The following COBLL1 variants were observed in gnomAD, a reference collection of about 807,000 sequenced individuals.
The protein encoded by COBLL1 is cordon-bleu protein-like 1.
COBLL1 carries 50 observed loss-of-function variants against 94.8 expected under a neutral mutation model. That is an observed-to-expected ratio of 0.53 (90% CI 0.42 to 0.67). The LOEUF is 0.67. COBLL1 is among the 30% of genes least tolerant of loss of function. The pLI is 0.00. For missense variants in COBLL1, 1,362 were observed against 1,348.7 expected, an observed-to-expected ratio of 1.01 and a Z score of -0.15; for synonymous variants, 448 against 473.8, an observed-to-expected ratio of 0.95 and a Z score of 0.71.
downstream of COBLL1, among the ~76,000 whole-genome samples, chr2:164,676,688 T>TCC (rs199604109): frequency 9.4e-5 from 14 of 149,386 alleles, no homozygotes; most frequent in East Asian, 3.9e-4. Flanking sequence ...TTTTTTTTTT[T>TCC]CCCCCCCTTT....
chr2:164,687,603 G>A lies in COBLL1; in HGVS notation c.3301-1571C>T, dbSNP rs1683368345. On this transcript the variant is annotated intron_variant, in intron 13 of 13. Transcript: ENST00000652658. ...GCATGCCTGTTTGAAGCCTACATTG[G>A]GGTAATGCAAGGTCAGAGACATGAA... The A allele has an allele frequency of 2.6e-6, 3 of 1,138,692 alleles. 1 individual carries two copies. In the South Asian group the frequency reaches 3.7e-5, roughly 14 times the overall value. 70.5% of individuals were successfully genotyped at this position (1,138,692 alleles called of 1,614,324 possible). A position where few individuals can be genotyped will look rare whatever the true frequency, so the allele number is the denominator to read the frequency against.
At chr2:164,773,750 C>T (rs1275831302) in intron 2 of COBLL1, 11 of 1,297,270 alleles carry the variant, frequency 8.5e-6, no homozygotes, top group Non-Finnish European at 9.1e-6. Flanking sequence ...GTTCCTCTAG[C>T]GCTTTACTTT....
intron 7 of COBLL1, among the ~76,000 whole-genome samples, chr2:164,712,855 A>C (rs932702549): frequency 6.6e-6 from 1 of 152,072 alleles, no homozygotes; most frequent in African/African-American, 2.4e-5. Context: ...AAATCACTAA[A>C]TCCCAAATAA....
chr2:164,823,491 T>TCC (rs1477523458), intron 2 of COBLL1, among the ~76,000 whole-genome samples: 3 of 152,062 alleles, frequency 2.0e-5, no homozygotes, highest in Admixed American at 6.6e-5. Flanking sequence ...CCTCTTACCC[T>TCC]CCTTCACCGC....
chr2:164,803,192 T>C (rs951329864), intron 2 of COBLL1, among the ~76,000 whole-genome samples: 1 of 152,238 alleles, frequency 6.6e-6, no homozygotes, highest in East Asian at 1.9e-4. Flanking sequence ...CAGTTTAAAT[T>C]TTTGTATATT....
intron 2 of COBLL1, among the ~76,000 whole-genome samples, chr2:164,793,797 C>A (rs1683306316): frequency 6.6e-6 from 1 of 152,152 alleles, no homozygotes; most frequent in South Asian, 2.1e-4. Flanking sequence ...CAATTCAAAA[C>A]CAAGCCTGCT....
At chr2:164,690,201 A>T (rs957470247) in intron 13 of COBLL1, among the ~76,000 whole-genome samples, 1 of 152,118 alleles carries the variant, frequency 6.6e-6, no homozygotes, top group Non-Finnish European at 1.5e-5. Flanking sequence ...AGAAGTGAAA[A>T]ATGCTCGTCA....
At chr2:164,728,448 C>A (rs1214379848) in intron 4 of COBLL1, among the ~76,000 whole-genome samples, 1 of 151,864 alleles carries the variant, frequency 6.6e-6, no homozygotes, top group Non-Finnish European at 1.5e-5. Context: ...TTAAATTTGA[C>A]CCTAAAAAAC....
At chr2:164,811,779 T>A (rs1220089115) in intron 2 of COBLL1, among the ~76,000 whole-genome samples, 1 of 151,932 alleles carries the variant, frequency 6.6e-6, no homozygotes, top group East Asian at 1.9e-4. Context: ...ATAAAGAACC[T>A]GAGCAACAGT....
chr2:164,710,720 T>G (rs1684854576), intron 7 of COBLL1, among the ~76,000 whole-genome samples: 1 of 151,992 alleles, frequency 6.6e-6, no homozygotes, highest in Non-Finnish European at 1.5e-5. Flanking sequence ...GCCACCACCA[T>G]GCCTGGCTAA....
At chr2:164,669,311 A>G (rs1024439923) in intron 1 of COBLL1, among the ~76,000 whole-genome samples, 1 of 152,234 alleles carries the variant, frequency 6.6e-6, no homozygotes, top group Non-Finnish European at 1.5e-5. Context: ...ATATAAAAAA[A>G]CACATTCTGA....
intron 3 of COBLL1, among the ~76,000 whole-genome samples, chr2:164,739,119 CAAG>C (rs1686468990): frequency 6.6e-6 from 1 of 152,040 alleles, no homozygotes; most frequent in Non-Finnish European, 1.5e-5. Context: ...CTCACAAAGG[CAAG>C]ATAGTAGAGA....
chr2:164,774,720 A>C (rs1559002474), intron 2 of COBLL1, among the ~76,000 whole-genome samples: 1 of 152,172 alleles, frequency 6.6e-6, no homozygotes, highest in Non-Finnish European at 1.5e-5. Flanking sequence ...CTGTCTCCAC[A>C]ACAAACATTT....
At chr2:164,692,137 A>G (rs1683634245) in intron 13 of COBLL1, 84 bp downstream of exon 13, 1 of 1,262,932 alleles carries the variant, frequency 7.9e-7, no homozygotes, top group African/African-American at 1.5e-5. Context: ...TTAGATTTAC[A>G]TGCTAGAAAA....
chr2:164,775,110 T>C (rs1041345452), intron 2 of COBLL1, among the ~76,000 whole-genome samples: 25 of 151,796 alleles, frequency 1.6e-4, no homozygotes, highest in Admixed American at 1.6e-3. Flanking sequence ...GAGCTGAGAC[T>C]GTGCCACTGT....
chr2:164,694,986 C>T lies in COBLL1; in HGVS notation c.2406G>A (p.Leu802=). The T allele has an allele frequency of 6.2e-7, 1 of 1,613,960 alleles. No individual in the cohort carries two copies. Among genetic ancestry groups the T allele is most frequent in the Non-Finnish European group, 8.5e-7 (1 of 1,179,932 alleles). Residue 802 remains leucine (L), a synonymous_variant, in exon 12 of 14, where the codon CTG becomes CTA. Coordinates refer to ENST00000652658, the MANE Select transcript of COBLL1 (RefSeq NM_001365672.2). ...AACTGGGCACTTGATGCTCTGTTCTCAGGTTAGGCTTCGGTTTAAGGTTTG... is the reference window on the plus strand; with the variant it reads ...AACTGGGCACTTGATGCTCTGTTCTTAGGTTAGGCTTCGGTTTAAGGTTTG... ...PLPNLKPKPN[L]RTEHQVPSSV...
chr2:164,670,093 C>G (rs986644843), intron 1 of COBLL1, among the ~76,000 whole-genome samples: 2 of 152,100 alleles, frequency 1.3e-5, no homozygotes, highest in Non-Finnish European at 2.9e-5. Context: ...TTATTCTGTA[C>G]CACATTCAGT....
downstream of COBLL1, among the ~76,000 whole-genome samples, chr2:164,678,478 G>A (rs1406349669): frequency 6.6e-6 from 1 of 152,200 alleles, no homozygotes; most frequent in Non-Finnish European, 1.5e-5. Flanking sequence ...AATTTAAGAA[G>A]CAAAGCCTTA....
rs1484665108 is a variant in COBLL1 at position 164,729,990 on chromosome 2, C to T, written c.356G>A (p.Gly119Glu). Reference protein sequence around the residue: ...HIKFKPNTPIGMLEVEKVILK... With the variant: ...HIKFKPNTPIEMLEVEKVILK... ...AATTACCTTCTCTACCTCCAACATT[C>T]CTATTGGTGTGTTTGGCTTAAATTT... is the stretch of plus-strand genomic sequence containing the variant. The change falls in exon 4 of 14, where the codon GGA (glycine) becomes GAA (glutamate). Residue 119 changes from glycine (G) to glutamate (E), a missense_variant. Transcript: ENST00000652658. 1 of 1,613,872 alleles carries T rather than the reference C, an allele frequency of 6.2e-7. No individual in the cohort carries two copies. Among genetic ancestry groups the T allele is most frequent in the African/African-American group, 1.3e-5 (1 of 74,900 alleles).
Sources: allele counts gnomAD v4.1 joint callset (sites outside exome capture counted in the v4.1 genomes callset), GRCh38; gene constraint gnomAD v4.1.1; transcripts MANE v1.5; gene names NCBI Gene and HGNC (gene_info 2026-07-23, HGNC 2026-07-21).